NALF1: variants seen among roughly 807,000 people sequenced by gnomAD.
NALF1 encodes the protein NALCN channel auxiliary factor 1, also known as family with sequence similarity 155 member A.
In NALF1, 3 loss-of-function variants were observed where a neutral mutation model predicts 48.4. The observed-to-expected ratio is 0.06, with a 90% CI of 0.03 to 0.16. The LOEUF (loss-of-function observed/expected upper bound fraction) is 0.16, where lower values mean the gene tolerates loss of function less well. Among genes scored for constraint, NALF1 ranks in the 10% least tolerant of loss-of-function variants. The pLI is 1.00. For missense variants in NALF1, 526 were observed against 571.5 expected, an observed-to-expected ratio of 0.92 and a Z score of 0.81; for synonymous variants, 262 against 245.7, an observed-to-expected ratio of 1.07 and a Z score of -0.62.
At chr13:107,683,690 G>T (rs1464083549) in intron 1 of NALF1, among the ~76,000 whole-genome samples, 1 of 152,200 alleles carries the variant, frequency 6.6e-6, no homozygotes, top group Admixed American at 6.5e-5. Context: ...GCCGTGGCAG[G>T]ACTGAAGCTG....
intron 1 of NALF1, among the ~76,000 whole-genome samples, chr13:107,675,784 T>C (rs1252996014): frequency 6.6e-6 from 1 of 152,160 alleles, no homozygotes; most frequent in African/African-American, 2.4e-5. Flanking sequence ...TGACAAGGAA[T>C]ACCAAGTCAC....
chr13:107,606,585 C>T (rs988468686), intron 1 of NALF1, among the ~76,000 whole-genome samples: 2 of 151,964 alleles, frequency 1.3e-5, no homozygotes, highest in African/African-American at 2.4e-5. Flanking sequence ...AGGCTGGTTT[C>T]GAACTCCTGA....
chr13:107,220,284 G>A (rs571464717), intron 1 of NALF1, among the ~76,000 whole-genome samples: 1 of 152,280 alleles, frequency 6.6e-6, no homozygotes, highest in Admixed American at 6.5e-5. Flanking sequence ...AGCTGGGAAA[G>A]GTATGAATGC....
chr13:107,776,442 A>G (rs1877731903), intron 1 of NALF1, among the ~76,000 whole-genome samples: 1 of 152,194 alleles, frequency 6.6e-6, no homozygotes, highest in Non-Finnish European at 1.5e-5. Flanking sequence ...TAATAATATC[A>G]TTCTTAACGC....
intron 1 of NALF1, among the ~76,000 whole-genome samples, chr13:107,434,642 CGGA>C (rs1421911693): frequency 6.6e-6 from 1 of 152,164 alleles, no homozygotes; most frequent in Non-Finnish European, 1.5e-5. Flanking sequence ...AGCATCACAG[CGGA>C]AGAAAACATG....
chr13:107,823,845 G>A (rs79922539), intron 1 of NALF1, among the ~76,000 whole-genome samples: 9,701 of 152,174 alleles, frequency 0.064, 417 homozygotes, highest in East Asian at 0.2. Context: ...TGCTTTCAGT[G>A]CTCTCATCTG....
chr13:107,236,681 CTATCTAT>C (rs1880351581), intron 1 of NALF1, among the ~76,000 whole-genome samples: 2 of 79,666 alleles, frequency 2.5e-5, no homozygotes, highest in East Asian at 3.2e-4. Context: ...GTCTATCTAT[CTATCTAT>C]CTATCTATCT....
intron 1 of NALF1, among the ~76,000 whole-genome samples, chr13:107,228,682 C>T (rs1237125038): frequency 3.9e-5 from 6 of 152,084 alleles, no homozygotes; most frequent in African/African-American, 7.2e-5. Flanking sequence ...TACAATGGCC[C>T]GATCTCTGCT....
intron 1 of NALF1, among the ~76,000 whole-genome samples, chr13:107,529,706 A>G (rs1876563832): frequency 6.6e-6 from 1 of 152,122 alleles, no homozygotes; most frequent in African/African-American, 2.4e-5. Context: ...GATGTGATGA[A>G]TTAATTACAT....
At chr13:107,794,733 T>C (rs1197522280) in intron 1 of NALF1, among the ~76,000 whole-genome samples, 3 of 152,006 alleles carry the variant, frequency 2.0e-5, no homozygotes, top group Non-Finnish European at 4.4e-5. Context: ...TGTAGGAATT[T>C]CAGATACTGT....
At chr13:107,516,701 T>G (rs957616691) in intron 1 of NALF1, among the ~76,000 whole-genome samples, 4 of 152,238 alleles carry the variant, frequency 2.6e-5, no homozygotes, top group Non-Finnish European at 4.4e-5. Context: ...GGACTCTGAG[T>G]GCAATCACAT....
intron 1 of NALF1, among the ~76,000 whole-genome samples, chr13:107,807,870 A>G (rs906072609): frequency 1.3e-5 from 2 of 152,194 alleles, no homozygotes; most frequent in African/African-American, 4.8e-5. Flanking sequence ...TGACTGTACC[A>G]AACAATGTTT....
intron 1 of NALF1, among the ~76,000 whole-genome samples, chr13:107,648,501 C>T (rs1031696084): frequency 2.0e-5 from 3 of 152,042 alleles, no homozygotes; most frequent in South Asian, 2.1e-4. Context: ...TGTGTCTTTT[C>T]GCAGCTTGAT....
intron 1 of NALF1, among the ~76,000 whole-genome samples, chr13:107,802,889 C>A (rs1341166182): frequency 1.3e-5 from 2 of 151,788 alleles, no homozygotes; most frequent in Non-Finnish European, 1.5e-5. Flanking sequence ...ACTTAATAGC[C>A]CTAAAGAAAA....
chr13:107,529,782 T>A lies in NALF1; in HGVS notation c.916-319027A>T, dbSNP rs554251738. On this transcript the variant is annotated intron_variant, in intron 1 of 2. Transcript: ENST00000375915. ...ATGTGAGAGAGGAACGGGCATCACCTGAAGGAAAGGATGATGTCTCAGGAC... is the reference window on the plus strand; with the variant it reads ...ATGTGAGAGAGGAACGGGCATCACCAGAAGGAAAGGATGATGTCTCAGGAC... Among the ~76,000 whole-genome samples the A allele has an allele frequency of 7.9e-5, 12 of 152,204 alleles. No individual in the cohort carries two copies. In the South Asian group the frequency reaches 2.5e-3, roughly 32 times the overall value.
At chr13:107,324,368 T>A (rs1246683890) in intron 1 of NALF1, among the ~76,000 whole-genome samples, 1 of 152,226 alleles carries the variant, frequency 6.6e-6, no homozygotes. Context: ...TACGCTTACC[T>A]AAACTCACCA....
At chr13:107,323,984 C>T (rs984718578) in intron 1 of NALF1, among the ~76,000 whole-genome samples, 14 of 152,156 alleles carry the variant, frequency 9.2e-5, no homozygotes, top group African/African-American at 3.4e-4. Flanking sequence ...TGATGTGTGC[C>T]TGTAGTCCCA....
At chr13:107,282,807 C>A (rs959121418) in intron 1 of NALF1, among the ~76,000 whole-genome samples, 6 of 152,198 alleles carry the variant, frequency 3.9e-5, no homozygotes, top group African/African-American at 1.2e-4. Context: ...AGGAGAGATG[C>A]TGTGCCTGTA....
chr13:107,526,645 T>C (rs1876454398), intron 1 of NALF1, among the ~76,000 whole-genome samples: 1 of 152,144 alleles, frequency 6.6e-6, no homozygotes, highest in South Asian at 2.1e-4. Flanking sequence ...GAATTGCTGT[T>C]TTATCAATAT....
Sources: allele counts gnomAD v4.1 joint callset (sites outside exome capture counted in the v4.1 genomes callset), GRCh38; gene constraint gnomAD v4.1.1; transcripts MANE v1.5; gene names NCBI Gene and HGNC (gene_info 2026-07-23, HGNC 2026-07-21).